The following SETD2 variants were observed in gnomAD, a reference collection of about 807,000 sequenced individuals.
SETD2 encodes histone-lysine N-methyltransferase SETD2.
A neutral mutation model predicts 242.1 loss-of-function variants in SETD2; 31 were observed. That is an observed-to-expected ratio of 0.13 (90% CI 0.10 to 0.17). The LOEUF is 0.17. SETD2 is among the 10% of genes least tolerant of loss of function. The pLI is 1.00. For missense variants in SETD2, 2,481 were observed against 3,046.3 expected, an observed-to-expected ratio of 0.81 and a Z score of 4.37; for synonymous variants, 1,006 against 1,066.5, an observed-to-expected ratio of 0.94 and a Z score of 1.11.
At chr3:47,141,661 T>A (rs980002892) in intron 1 of SETD2, among the ~76,000 whole-genome samples, 1 of 152,118 alleles carries the variant, frequency 6.6e-6, no homozygotes, top group Non-Finnish European at 1.5e-5. Flanking sequence ...TCTTTTGTTA[T>A]AAAGAAAAAA....
At position 47,121,882 on chromosome 3, in the gene SETD2, T is replaced by C. The variant is rs775603966; in HGVS notation, c.2754A>G (p.Ser918=). ...LDAVLKSKKS[S]EFLKHAGKET... ...CTTTCCCTGCATGCTTTAAAAACTCTGAACTTTTTTTACTCTTTAGCACTG... is the reference window on the plus strand; with the variant it reads ...CTTTCCCTGCATGCTTTAAAAACTCCGAACTTTTTTTACTCTTTAGCACTG... The change falls in exon 3 of 21, where the codon TCA becomes TCG. Residue 918 remains serine, a synonymous_variant. Coordinates refer to ENST00000409792, the MANE Select transcript of SETD2 (RefSeq NM_014159.7). The C allele has an allele frequency of 6.2e-7, 1 of 1,614,080 alleles. No homozygotes were observed. Among genetic ancestry groups the C allele is most frequent in the Non-Finnish European group, 8.5e-7 (1 of 1,180,008 alleles).
At chr3:47,101,350 A>T in intron 8 of SETD2, 108 bp downstream of exon 8, 1 of 655,474 alleles carries the variant, frequency 1.5e-6, no homozygotes, top group Non-Finnish European at 2.7e-6. Flanking sequence ...GATAAGAGTT[A>T]AGAGTAAATA....
intron 12 of SETD2, among the ~76,000 whole-genome samples, chr3:47,078,519 C>CT (rs71098448): frequency 0.011 from 809 of 71,322 alleles, 59 homozygotes; most frequent in African/African-American, 0.026. Context: ...GATTCTCAGC[C>CT]TTTTTTTTTT....
intron 12 of SETD2, among the ~76,000 whole-genome samples, chr3:47,072,858 A>C (rs528081405): frequency 1.5e-4 from 22 of 151,570 alleles, no homozygotes; most frequent in African/African-American, 4.6e-4. Flanking sequence ...GAGGCAGGAG[A>C]ATGGTGTGAC....
chr3:47,095,921 T>C (rs1410302905), intron 9 of SETD2, among the ~76,000 whole-genome samples: 1 of 152,106 alleles, frequency 6.6e-6, no homozygotes, highest in Non-Finnish European at 1.5e-5. Context: ...ATTATCTCAT[T>C]TCTTTTTCTT....
chr3:47,154,486 A>G (rs1360046950), intron 1 of SETD2, among the ~76,000 whole-genome samples: 1 of 152,192 alleles, frequency 6.6e-6, no homozygotes, highest in Non-Finnish European at 1.5e-5. Flanking sequence ...AAAAAGGCAG[A>G]AAAATACATA....
chr3:47,045,922 C>T lies in SETD2; in HGVS notation c.7098+565G>A, dbSNP rs574566949. The stretch of plus-strand genomic sequence containing the variant: ...TCCTGAGTAGCTGGGACTACAGGTG[C>T]GGAGCAAAATATGTATTAACGGAAC... On this transcript the variant is annotated intron_variant, in intron 16 of 20. Coordinates refer to ENST00000409792, the MANE Select transcript of SETD2 (RefSeq NM_014159.7). Among the ~76,000 whole-genome samples the T allele has an allele frequency of 6.7e-5, 10 of 150,342 alleles. No individual in the cohort carries two copies. The East Asian group carries it at 1.2e-3, about 18-fold the overall frequency.
At chr3:47,065,235 G>T (rs1352135139) in intron 13 of SETD2, among the ~76,000 whole-genome samples, 1 of 152,030 alleles carries the variant, frequency 6.6e-6, no homozygotes, top group African/African-American at 2.4e-5. Context: ...AGAATGTGAG[G>T]CTATGAAGAG....
intron 1 of SETD2, among the ~76,000 whole-genome samples, chr3:47,131,740 C>T (rs1488827282): frequency 6.6e-6 from 1 of 151,514 alleles, no homozygotes; most frequent in African/African-American, 2.4e-5. Flanking sequence ...CTCCCCAGAG[C>T]AACTATTGTT....
chr3:47,064,963 T>C (rs1202887523), intron 13 of SETD2, among the ~76,000 whole-genome samples: 1 of 152,128 alleles, frequency 6.6e-6, no homozygotes, highest in Non-Finnish European at 1.5e-5. Context: ...CAGATCATCC[T>C]CTGCATCTCA....
At chr3:47,146,625 T>TA (rs60453399) in intron 1 of SETD2, among the ~76,000 whole-genome samples, 89,190 of 138,460 alleles carry the variant, frequency 0.64, 28,662 homozygotes, top group African/African-American at 0.74. Context: ...AGACTCCGTC[T>TA]AAAAAAAAAA....
chr3:47,147,651 C>A (rs376809810), intron 1 of SETD2, among the ~76,000 whole-genome samples: 36 of 149,542 alleles, frequency 2.4e-4, no homozygotes, highest in African/African-American at 8.5e-4. Flanking sequence ...AGGCCGGGCG[C>A]GGTGGCTCAC....
intron 12 of SETD2, among the ~76,000 whole-genome samples, chr3:47,072,143 C>T (rs1054300807): frequency 1.3e-5 from 2 of 150,550 alleles, no homozygotes; most frequent in Admixed American, 1.3e-4. Context: ...CCCGTCTCTA[C>T]CAAAAATACA....
In SETD2 at chr3:47,057,282, G is replaced by A. The variant is rs2107576731; in HGVS notation, c.6502C>T (p.Pro2168Ser). The A allele has an allele frequency of 1.2e-6, 2 of 1,614,144 alleles. No homozygotes were observed. The highest frequency in any genetic ancestry group is 1.7e-6 in the Non-Finnish European group (2 of 1,180,026). ...NAPHHPFAGY[P>S]PGYPMQAYVD... ...TAGGCCTGCATGGGATAACCTGGTG[G>A]GTAACCAGCAAAGGGATGATGCGGG... Residue 2168 changes from proline (P) to serine (S), a missense_variant, in exon 15 of 21, where the codon CCA (proline) becomes TCA (serine). Physicochemically the swap from Pro to Ser is moderately conservative, Grantham distance 74 (BLOSUM62 -1). This residue lies in a region of SETD2 where 45 missense variants were observed against 62.8 expected (regional missense o/e 0.72). Transcript: ENST00000409792.
chr3:47,106,979 T>C (rs1013370099), intron 5 of SETD2, among the ~76,000 whole-genome samples: 1 of 152,186 alleles, frequency 6.6e-6, no homozygotes, highest in Admixed American at 6.6e-5. Flanking sequence ...CAGTAATTGT[T>C]ATTTATCTTC....
At chr3:47,085,511 A>G (rs1307865372) in intron 11 of SETD2, among the ~76,000 whole-genome samples, 1 of 152,190 alleles carries the variant, frequency 6.6e-6, no homozygotes, top group Non-Finnish European at 1.5e-5. Flanking sequence ...GTATTCCTCA[A>G]TGTAGTTCCA....
Position 47,112,238 on chromosome 3 carries a change from C to T in SETD2, c.4715+1638G>A, listed in dbSNP as rs1044647514. ...AAGCAAATTCTTCTGCCTCAGCCTCCCGAGTAGCTGGGATTACAGCTGTGC... is the reference window on the plus strand; with the variant it reads ...AAGCAAATTCTTCTGCCTCAGCCTCTCGAGTAGCTGGGATTACAGCTGTGC... On this transcript the variant is annotated intron_variant, in intron 5 of 20. Transcript: ENST00000409792. 3.3e-5 allele frequency among the ~76,000 whole-genome samples: 5 copies of T among 151,898 alleles called. No individual in the cohort carries two copies. The South Asian group carries it at 8.3e-4, about 25-fold the overall frequency.
At chr3:47,127,436 C>A in intron 1 of SETD2, 1 of 245,350 alleles carries the variant, frequency 4.1e-6, no homozygotes, top group South Asian at 3.6e-5. Context: ...GAGATTAACA[C>A]ATAAAATAAG....
intron 1 of SETD2, among the ~76,000 whole-genome samples, chr3:47,149,772 GTCAAGAGT>G (rs2043940528): frequency 1.3e-5 from 2 of 152,158 alleles, no homozygotes; most frequent in South Asian, 4.1e-4. Context: ...TGAATAAATT[GTCAAGAGT>G]TCAAGAGTTC....
Sources: allele counts gnomAD v4.1 joint callset (sites outside exome capture counted in the v4.1 genomes callset), GRCh38; gene constraint gnomAD v4.1.1; regional missense constraint gnomAD v4.1.1; transcripts MANE v1.5; gene names NCBI Gene and HGNC (gene_info 2026-07-23, HGNC 2026-07-21).